The following PRKCH variants were observed in gnomAD, a reference collection of about 807,000 sequenced individuals.
The protein encoded by PRKCH is protein kinase C eta.
In PRKCH, 28 loss-of-function variants were observed where a neutral mutation model predicts 82.5. The observed-to-expected ratio is 0.34, with a 90% CI of 0.25 to 0.47. The LOEUF is 0.47. Among genes scored for constraint, PRKCH ranks in the 20% least tolerant of loss-of-function variants. PRKCH has a pLI of 1.00. For missense variants in PRKCH, 705 were observed against 881.8 expected, an observed-to-expected ratio of 0.80 and a Z score of 2.54; for synonymous variants, 322 against 327.4, an observed-to-expected ratio of 0.98 and a Z score of 0.18.
At chr14:61,529,905 T>TAAA (rs10545403) in intron 11 of PRKCH, among the ~76,000 whole-genome samples, 2 of 135,932 alleles carry the variant, frequency 1.5e-5, no homozygotes, top group African/African-American at 6.3e-5. Context: ...TAAAGTATAA[T>TAAA]AAAAAAAAAT....
chr14:61,540,514 G>C (rs2140028242), intron 12 of PRKCH, among the ~76,000 whole-genome samples: 1 of 152,238 alleles, frequency 6.6e-6, no homozygotes, highest in South Asian at 2.1e-4. Context: ...GGTTACAGAT[G>C]GGTCTGTTTC....
intron 2 of PRKCH, among the ~76,000 whole-genome samples, chr14:61,424,861 C>A (rs1247591980): frequency 2.6e-5 from 4 of 152,186 alleles, no homozygotes; most frequent in Non-Finnish European, 4.4e-5. Context: ...CTCTGTGCAG[C>A]CTAGGACTTA....
Position 61,530,434 on chromosome 14 carries a change from G to A in PRKCH, c.1600G>A (p.Ala534Thr). ...EILQEMLYGP[A>T]VDWWAMGVLL... is the part of the protein sequence containing the mutation. ...CCTCCAGGAAATGCTGTACGGGCCT[G>A]CAGTAGACTGGTGGGCAATGGGCGT... Residue 534 changes from alanine (A) to threonine (T), a missense_variant, in exon 12 of 14, where the codon GCA becomes ACA. Transcript: ENST00000332981. 3 of 1,607,548 alleles carry A rather than the reference G, an allele frequency of 1.9e-6. No homozygotes were observed. The highest frequency in any genetic ancestry group is 1.3e-5 in the African/African-American group (1 of 75,020).
intron 1 of PRKCH, among the ~76,000 whole-genome samples, chr14:61,188,611 GGTGT>G (rs1170634010): frequency 0.15 from 6,905 of 45,496 alleles, 1,515 homozygotes; most frequent in East Asian, 0.22. Context: ...GGGGTGGTGT[GGTGT>G]GTGTGTGTGT....
chr14:61,375,635 A>G (rs1275523392), intron 1 of PRKCH, among the ~76,000 whole-genome samples: 1 of 151,906 alleles, frequency 6.6e-6, no homozygotes, highest in African/African-American at 2.4e-5. Context: ...AGTGCCACAC[A>G]CTTTCAAACA....
At chr14:61,189,167 C>G (rs1223647859) in intron 1 of PRKCH, among the ~76,000 whole-genome samples, 1 of 152,254 alleles carries the variant, frequency 6.6e-6, no homozygotes, top group Non-Finnish European at 1.5e-5. Flanking sequence ...CCGCGAGGCC[C>G]GGGCAGCGTC....
rs767437913 is a variant in PRKCH, at chr14:61,280,271, C to A, written c.-19+92603C>A. On this transcript the variant is annotated intron_variant, in intron 1 of 3. Coordinates refer to the PRKCH transcript ENST00000555185. The surrounding 1 kb of genome is among the most constrained non-coding windows in gnomAD (Gnocchi z 5.0). ...AGCTTGTGGCCGCCGAACGCGCGCA[C>A]CGGGTAGTTGTAGGTGATGTTGACG... is the stretch of plus-strand genomic sequence containing the variant. 1 of 1,614,016 alleles carries A rather than the reference C, an allele frequency of 6.2e-7. No individual in the cohort carries two copies. The highest frequency in any genetic ancestry group is 8.5e-7 in the Non-Finnish European group (1 of 1,179,992).
chr14:61,306,692 T>C (rs1052572653), intron 1 of PRKCH: 2 of 152,224 alleles, frequency 1.3e-5, no homozygotes, highest in African/African-American at 4.8e-5. Flanking sequence ...TTTTGGTATA[T>C]TGTCTACAAC....
At chr14:61,262,633 C>T (rs868280734) in intron 1 of PRKCH, among the ~76,000 whole-genome samples, 5 of 151,972 alleles carry the variant, frequency 3.3e-5, no homozygotes. Flanking sequence ...GTGAATACAG[C>T]GGACAAAATG....
intron 1 of PRKCH, among the ~76,000 whole-genome samples, chr14:61,332,105 C>T (rs1017928197): frequency 2.0e-5 from 3 of 152,204 alleles, no homozygotes. Context: ...TTGCTAGAAG[C>T]CATTCTCACT....
intron 9 of PRKCH, among the ~76,000 whole-genome samples, chr14:61,462,350 A>G (rs1485855067): frequency 1.3e-5 from 2 of 152,238 alleles, no homozygotes; most frequent in African/African-American, 4.8e-5. Context: ...AGATCGTGCC[A>G]TTGCACTCCA....
At chr14:61,250,638 C>A (rs942966964) in intron 1 of PRKCH, among the ~76,000 whole-genome samples, 2 of 152,054 alleles carry the variant, frequency 1.3e-5, no homozygotes, top group East Asian at 3.9e-4. Context: ...GGTAGTAAAA[C>A]GATTCTGCAT....
chr14:61,280,236 G>T lies in PRKCH; in HGVS notation c.-19+92568G>T, dbSNP rs1283899336. The T allele has an allele frequency of 6.2e-7, 1 of 1,614,028 alleles. No individual in the cohort carries two copies. Among genetic ancestry groups the T allele is most frequent in the East Asian group, 2.2e-5 (1 of 44,878 alleles). On this transcript the variant is annotated intron_variant, in intron 1 of 3. Transcript: ENST00000555185. The surrounding 1 kb of genome is among the most constrained non-coding windows in gnomAD (Gnocchi z 5.0). ...TGCCACCCATCCACGAGATGCTGCT[G>T]AAGATGAGGAGCTTGTGGCCGCCGA...
At position 61,283,527 on chromosome 14, in the gene PRKCH, T is replaced by TTTTTTA. The variant is rs1224509399; in HGVS notation, c.-19+95877_-19+95882dup. ...AGATAGCAAGATAGGAAGACACTCT[T>TTTTTTA]TTTTTATTTTTATTTTTATTTTTTG... On this transcript the variant is annotated intron_variant, in intron 1 of 3. Coordinates refer to the PRKCH transcript ENST00000555185. 6.6e-5 allele frequency among the ~76,000 whole-genome samples: 10 copies of TTTTTTA among 152,070 alleles called. No individual in the cohort carries two copies. The East Asian group carries it at 1.2e-3, about 18-fold the overall frequency.
chr14:61,293,938 G>A (rs187111767), intron 1 of PRKCH, among the ~76,000 whole-genome samples: 598 of 152,118 alleles, frequency 3.9e-3, no homozygotes, highest in Middle Eastern at 6.8e-3. Flanking sequence ...TCCATGTTCC[G>A]AGGTGGCCAT....
intron 1 of PRKCH, among the ~76,000 whole-genome samples, chr14:61,373,523 A>G (rs2046390323): frequency 6.6e-6 from 1 of 151,938 alleles, no homozygotes; most frequent in Non-Finnish European, 1.5e-5. Context: ...AGACCATATC[A>G]TTCCGCCCCT....
At chr14:61,367,890 A>G (rs868566009) in intron 1 of PRKCH, among the ~76,000 whole-genome samples, 16 of 151,676 alleles carry the variant, frequency 1.1e-4, no homozygotes, top group Middle Eastern at 3.4e-3. Context: ...AATTTTTTGT[A>G]TTTTTAGTAG....
intron 10 of PRKCH, among the ~76,000 whole-genome samples, chr14:61,491,052 T>A (rs1019507553): frequency 2.6e-5 from 4 of 152,146 alleles, no homozygotes; most frequent in African/African-American, 9.7e-5. Context: ...TCTCTCTGAT[T>A]CCCACCTCCT....
At chr14:61,276,768 A>C (rs981626867) in intron 1 of PRKCH, among the ~76,000 whole-genome samples, 2 of 152,174 alleles carry the variant, frequency 1.3e-5, no homozygotes, top group Admixed American at 6.5e-5. Context: ...GATTGTTGAG[A>C]TCTCCTATGA....
Sources: allele counts gnomAD v4.1 joint callset (sites outside exome capture counted in the v4.1 genomes callset), GRCh38; gene constraint gnomAD v4.1.1; non-coding constraint Gnocchi (gnomAD v3.1); transcripts MANE v1.5; gene names NCBI Gene and HGNC (gene_info 2026-07-23, HGNC 2026-07-21).